Variants in DOP1B observed in about 807,000 individuals in gnomAD.
DOP1B encodes protein DOP1B.
In DOP1B, 174 loss-of-function variants were observed where a neutral mutation model predicts 233.5. The ratio of observed to expected loss-of-function variants is 0.75; its 90% CI spans 0.66 to 0.85. The LOEUF (loss-of-function observed/expected upper bound fraction) is 0.85. DOP1B is among the 40% of genes least tolerant of loss of function. The pLI is 0.00. For missense variants in DOP1B, 2,652 were observed against 2,846.6 expected (o/e 0.93, Z 1.56); for synonymous variants, 1,190 against 1,185.6 (o/e 1.00, Z -0.08).
At chr21:36,229,887 T>C (rs2066738687) in intron 13 of DOP1B, among the ~76,000 whole-genome samples, 1 of 151,946 alleles carries the variant, frequency 6.6e-6, no homozygotes, top group Non-Finnish European at 1.5e-5. Context: ...GGTCTTGAGC[T>C]CCTGACCTCA....
At chr21:36,214,408 G>A (rs773688437) in intron 8 of DOP1B, 34 bp from the exon 9 acceptor site, 18 of 1,585,220 alleles carry the variant, frequency 1.1e-5, no homozygotes, top group Admixed American at 5.3e-5. Context: ...TATGATATAC[G>A]ATATTCTAAT....
chr21:36,293,156 A>G (rs1601490320), intron 36 of DOP1B, among the ~76,000 whole-genome samples, 164 bp from the exon 37 acceptor site: 1 of 150,426 alleles, frequency 6.6e-6, no homozygotes, highest in East Asian at 1.9e-4. Context: ...CAGTGAGCCA[A>G]GATCACGCTG....
At chr21:36,166,296 G>A (rs1212506002) in intron 2 of DOP1B, among the ~76,000 whole-genome samples, 1 of 151,904 alleles carries the variant, frequency 6.6e-6, no homozygotes, top group African/African-American at 2.4e-5. Context: ...AATTAGCCGG[G>A]CGTGGTGGCG....
chr21:36,269,918 C>A lies in DOP1B; in HGVS notation c.5488-95C>A, dbSNP rs186745100. ...GGTACGTATATGCTCACAGCTGTGG[C>A]CTGCATTTTATTTCTACTGGACAGT... On this transcript the variant is annotated intron_variant, in intron 26 of 36. Transcript: ENST00000691173. The A allele has an allele frequency of 1.0e-5, 13 of 1,298,896 alleles. No homozygotes were observed. In the African/African-American group the frequency reaches 1.8e-4, roughly 18 times the overall value. 80.5% of individuals were successfully genotyped at this position (1,298,896 alleles called of 1,614,324 possible).
chr21:36,231,650 A>G (rs1425194422), intron 14 of DOP1B, among the ~76,000 whole-genome samples: 1 of 151,096 alleles, frequency 6.6e-6, no homozygotes, highest in Non-Finnish European at 1.5e-5. Context: ...ATGCCTGTTG[A>G]TAAAGTTTTT....
At chr21:36,251,365 C>T (rs2067031353) in intron 22 of DOP1B, 81 bp downstream of exon 22, 1 of 1,512,918 alleles carries the variant, frequency 6.6e-7, no homozygotes, top group African/African-American at 1.4e-5. Flanking sequence ...TCAAAGGTGA[C>T]ATTGGAAGCC....
At position 36,245,827 on chromosome 21, in the gene DOP1B, G is replaced by T. The variant is rs757459880; in HGVS notation, c.3847G>T (p.Ala1283Ser). The change falls in exon 19 of 37, where the codon GCT (alanine) becomes TCT (serine). Residue 1283 changes from alanine (A) to serine (S), a missense_variant. By Grantham distance (99) the Ala-to-Ser change is moderately conservative. Transcript: ENST00000691173. The surrounding 1 kb of genome is among the most constrained non-coding windows in gnomAD (Gnocchi z 5.5). Reference sequence around the variant, plus strand: ...CCTCAACCTCATCTCCAACCTCCTCGCTCGCCACCAGGAGGCCCTCATTGG... The same window carrying T: ...CCTCAACCTCATCTCCAACCTCCTCTCTCGCCACCAGGAGGCCCTCATTGG... ...AHLNLISNLLARHQEALIGQS... is the reference protein window; with the variant it reads ...AHLNLISNLLSRHQEALIGQS... 3 of 1,613,566 alleles carry T rather than the reference G, an allele frequency of 1.9e-6. No individual in the cohort carries two copies. Among genetic ancestry groups the T allele is most frequent in the East Asian group, 2.2e-5 (1 of 44,874 alleles).
chr21:36,288,869 A>G (rs375819479), intron 34 of DOP1B, 58 bp downstream of exon 34: 80 of 1,505,260 alleles, frequency 5.3e-5, no homozygotes, highest in Admixed American at 7.1e-5. Context: ...AAAGCACGTC[A>G]CTTTAGATAT....
intron 18 of DOP1B, among the ~76,000 whole-genome samples, chr21:36,244,680 C>T (rs1352242406): frequency 6.6e-6 from 1 of 152,172 alleles, no homozygotes; most frequent in African/African-American, 2.4e-5. Flanking sequence ...CCTGCCTTGG[C>T]CTCCCAATTG....
intron 33 of DOP1B, among the ~76,000 whole-genome samples, chr21:36,288,425 G>C (rs1045387941): frequency 1.3e-5 from 2 of 152,134 alleles, no homozygotes; most frequent in Non-Finnish European, 2.9e-5. Context: ...GGGCGTGGTA[G>C]CTTATGCCTG....
intron 2 of DOP1B, among the ~76,000 whole-genome samples, chr21:36,186,551 T>G (rs1029027913): frequency 2.6e-5 from 4 of 152,194 alleles, no homozygotes; most frequent in African/African-American, 9.7e-5. Flanking sequence ...CCCTGTATGT[T>G]TCAGCTCCTT....
intron 4 of DOP1B, among the ~76,000 whole-genome samples, chr21:36,205,495 TCTC>T (rs1297646556): frequency 6.6e-6 from 1 of 151,912 alleles, no homozygotes; most frequent in East Asian, 1.9e-4. Context: ...TTCAAGCAAT[TCTC>T]CTGCCTCAGC....
intron 4 of DOP1B, among the ~76,000 whole-genome samples, chr21:36,208,216 G>T (rs1160663181): frequency 6.6e-6 from 1 of 152,206 alleles, no homozygotes; most frequent in East Asian, 1.9e-4. Flanking sequence ...CATTTCTAAA[G>T]GCAGATGTCA....
intron 2 of DOP1B, among the ~76,000 whole-genome samples, chr21:36,176,744 C>T (rs1256021447): frequency 6.6e-6 from 1 of 152,188 alleles, no homozygotes; most frequent in Non-Finnish European, 1.5e-5. Context: ...CCATTTGTCT[C>T]TGGCAGTGTC....
intron 35 of DOP1B, 48 bp downstream of exon 35, chr21:36,289,254 T>G (rs2146259429): frequency 1.3e-6 from 2 of 1,586,314 alleles, no homozygotes; most frequent in African/African-American, 1.4e-5. Flanking sequence ...GAGATTTTGT[T>G]TTTTCCTTTT....
At chr21:36,290,083 G>C (rs1197840448) in intron 35 of DOP1B, among the ~76,000 whole-genome samples, 1 of 152,172 alleles carries the variant, frequency 6.6e-6, no homozygotes, top group Non-Finnish European at 1.5e-5. Context: ...AGGCTCTTCA[G>C]TTTTAACAAA....
chr21:36,251,455 T>G (rs1172096105), intron 22 of DOP1B, among the ~76,000 whole-genome samples, 171 bp downstream of exon 22: 1 of 152,190 alleles, frequency 6.6e-6, no homozygotes, highest in Non-Finnish European at 1.5e-5. Flanking sequence ...GTCTCTCTCT[T>G]TTCACCCAGG....
chr21:36,179,017 T>C (rs887311726), intron 2 of DOP1B, among the ~76,000 whole-genome samples: 1 of 152,210 alleles, frequency 6.6e-6, no homozygotes, highest in Non-Finnish European at 1.5e-5. Context: ...ACCATAGATT[T>C]GTTTGCATTT....
At chr21:36,222,716 C>G (rs976933972) in intron 10 of DOP1B, among the ~76,000 whole-genome samples, 2 of 151,942 alleles carry the variant, frequency 1.3e-5, no homozygotes, top group African/African-American at 4.8e-5. Context: ...TACAGTAGCT[C>G]TGAAATTATT....
Sources: allele counts gnomAD v4.1 joint callset (sites outside exome capture counted in the v4.1 genomes callset), GRCh38; gene constraint gnomAD v4.1.1; non-coding constraint Gnocchi (gnomAD v3.1); transcripts MANE v1.5; gene names NCBI Gene and HGNC (gene_info 2026-07-23, HGNC 2026-07-21).